Variants in PCDHA3 observed in about 807,000 individuals in gnomAD.
PCDHA3 encodes protocadherin alpha 3.
A neutral mutation model predicts 62.2 loss-of-function variants in PCDHA3; 41 were observed. That is an observed-to-expected ratio of 0.66 (90% CI 0.51 to 0.86). The LOEUF is 0.86. Ranked by LOEUF, PCDHA3 falls within the 40% of genes least tolerant of loss-of-function variation. PCDHA3 has a pLI of 0.00. For missense variants in PCDHA3, 1,304 were observed against 1,241.2 expected, an observed-to-expected ratio of 1.05 and a Z score of -0.76; for synonymous variants, 640 against 555.4, an observed-to-expected ratio of 1.15 and a Z score of -2.14.
chr5:140,806,768 A>G (rs557721480), intron 1 of PCDHA3, among the ~76,000 whole-genome samples: 6 of 152,310 alleles, frequency 3.9e-5, no homozygotes, highest in Admixed American at 3.9e-4. Flanking sequence ...TCTCTGTAAT[A>G]CTTAAAACCT....
chr5:140,850,186 C>T lies in PCDHA3; in HGVS notation c.2394+46595C>T, dbSNP rs2150472009. On this transcript the variant is annotated intron_variant, in intron 1 of 3. Transcript: ENST00000522353. ...CTGGACGAGAACGACAATGCGCCGG[C>T]GCTGCTGACACCTCGGATGAGGGGC... 4.4e-6 allele frequency: 7 copies of T among 1,593,614 alleles called. No homozygotes were observed. In the African/African-American group the frequency reaches 5.4e-5, roughly 12 times the overall value.
rs139246881 is a variant in PCDHA3, at chr5:140,834,444, C to A, written c.2394+30853C>A. 16 of 1,613,902 alleles carry A rather than the reference C, an allele frequency of 9.9e-6. No individual in the cohort carries two copies. The African/African-American group carries it at 2.1e-4, about 22-fold the overall frequency. On this transcript the variant is annotated intron_variant, in intron 1 of 3. Coordinates refer to ENST00000522353, the MANE Select transcript of PCDHA3 (RefSeq NM_018906.3). ...ACATCTACTGCTGTTTATTATAATT[C>A]TAGCAGCTTGGGAGGCAGGGAGAGG... is the stretch of plus-strand genomic sequence containing the variant.
In PCDHA3 at chr5:140,822,628, C is replaced by T. The variant is rs1170983907; in HGVS notation, c.2394+19037C>T. On this transcript the variant is annotated intron_variant, in intron 1 of 3. Transcript: ENST00000522353. The stretch of plus-strand genomic sequence containing the variant: ...AGTGTATTTCTTTAGTAATCTTGTT[C>T]TTGACGATGTAAAGTCCAAATTTAT... 3.7e-6 allele frequency: 6 copies of T among 1,610,966 alleles called. No individual in the cohort carries two copies. Among genetic ancestry groups the T allele is most frequent in the African/African-American group, 1.3e-5 (1 of 74,788 alleles).
intron 1 of PCDHA3, chr5:140,843,625 C>T: frequency 6.3e-7 from 1 of 1,596,072 alleles, no homozygotes; most frequent in Non-Finnish European, 8.6e-7. Flanking sequence ...CGAAGACGGA[C>T]CTCATGGCCT....
At chr5:140,934,013 A>G (rs2089566693) in intron 1 of PCDHA3, among the ~76,000 whole-genome samples, 1 of 151,836 alleles carries the variant, frequency 6.6e-6, no homozygotes. Context: ...TTTCTTGACT[A>G]GACTTGGAAG....
At position 140,824,079 on chromosome 5, in the gene PCDHA3, C is replaced by T. The variant is rs149846106; in HGVS notation, c.2394+20488C>T. ...GGGAAGCTCCACCCAAAACAGACCT[C>T]ATGGCCTTCAGTCCAAGCCTTCCTC... is the stretch of plus-strand genomic sequence containing the variant. On this transcript the variant is annotated intron_variant, in intron 1 of 3. Transcript: ENST00000522353. 4.4e-5 allele frequency: 71 copies of T among 1,614,220 alleles called. No individual in the cohort carries two copies. The South Asian group carries it at 7.6e-4, about 17-fold the overall frequency.
intron 1 of PCDHA3, among the ~76,000 whole-genome samples, chr5:140,874,013 A>C (rs2054638776): frequency 6.6e-6 from 1 of 152,248 alleles, no homozygotes; most frequent in Non-Finnish European, 1.5e-5. Flanking sequence ...ACCACTTTTG[A>C]AAATGAAAAA....
intron 1 of PCDHA3, chr5:140,857,341 G>C (rs782659858): frequency 1.3e-6 from 2 of 1,598,438 alleles, no homozygotes; most frequent in Non-Finnish European, 1.7e-6. Context: ...ACGGGGGCTC[G>C]CCTCCGCTGT....
intron 3 of PCDHA3, among the ~76,000 whole-genome samples, chr5:140,997,018 A>G (rs1403831704): frequency 6.6e-6 from 1 of 151,882 alleles, no homozygotes; most frequent in African/African-American, 2.4e-5. Flanking sequence ...ATCCTCCAAT[A>G]TTTTTTTGAA....
intron 1 of PCDHA3, chr5:140,809,227 A>G (rs376976270): frequency 4.6e-5 from 74 of 1,613,866 alleles, no homozygotes; most frequent in Non-Finnish European, 5.6e-5. Flanking sequence ...AGGCCTCCTC[A>G]CGGGCGTTGG....
chr5:140,810,294 A>G (rs1468211425), intron 1 of PCDHA3: 1 of 152,220 alleles, frequency 6.6e-6, no homozygotes, highest in Non-Finnish European at 1.5e-5. Flanking sequence ...CATCATAAAT[A>G]TATTGTACAT....
chr5:140,816,485 G>A (rs1765913989), intron 1 of PCDHA3: 2 of 149,216 alleles, frequency 1.3e-5, no homozygotes, highest in African/African-American at 5.0e-5. Context: ...TATTTCTTTA[G>A]GTTTGGTTTC....
At chr5:140,848,972 T>G in intron 1 of PCDHA3, 3 of 1,601,076 alleles carry the variant, frequency 1.9e-6, no homozygotes, top group Non-Finnish European at 2.6e-6. Context: ...GCGCGTCCGA[T>G]GCAGATATCG....
intron 1 of PCDHA3, among the ~76,000 whole-genome samples, chr5:140,975,280 T>G (rs914764307): frequency 5.3e-5 from 8 of 152,252 alleles, no homozygotes; most frequent in Admixed American, 3.9e-4. Context: ...CTCTGACCTC[T>G]AGACCCAGAT....
rs1307653192 is a variant in PCDHA3, at chr5:141,009,883, G to C, written c.2799G>C (p.Lys933Asn). 1.2e-6 allele frequency: 2 copies of C among 1,613,212 alleles called. No individual in the cohort carries two copies. Among genetic ancestry groups the C allele is most frequent in the Non-Finnish European group, 1.7e-6 (2 of 1,179,888 alleles). Reference sequence around the variant, plus strand: ...AGAAGAAAAAGAAGAAGGGTAACAAGACCCAGGAGAAAAAAGAGAAAGGGA... The same window carrying C: ...AGAAGAAAAAGAAGAAGGGTAACAACACCCAGGAGAAAAAAGAGAAAGGGA... ...KKKKKKKKGNKTQEKKEKGNS... is the reference protein window; with the variant it reads ...KKKKKKKKGNNTQEKKEKGNS... The change falls in exon 4 of 4, where the codon AAG becomes AAC. Residue 933 changes from lysine (K) to asparagine (N), a missense_variant. Coordinates refer to ENST00000522353, the MANE Select transcript of PCDHA3 (RefSeq NM_018906.3).
intron 3 of PCDHA3, among the ~76,000 whole-genome samples, chr5:141,003,559 T>C (rs2098129977): frequency 6.6e-6 from 1 of 152,106 alleles, no homozygotes; most frequent in Admixed American, 6.5e-5. Context: ...GTGATCCACC[T>C]GCCTCAGACT....
rs782532560 is a variant in PCDHA3, at chr5:140,803,037, G to A, written c.1840G>A (p.Gly614Arg). The part of the protein sequence containing the change: ...NAWLSYELQP[G>R]TGGARIPFRV... ...GTGGCTTTCGTATGAGCTGCAGCCT[G>A]GGACCGGCGGTGCGCGCATCCCGTT... Residue 614 changes from glycine to arginine, a missense_variant, in exon 1 of 4, where the codon GGG becomes AGG. Gly to Arg is a moderately radical substitution (Grantham distance 125). Transcript: ENST00000522353. 2 of 1,614,034 alleles carry A rather than the reference G, an allele frequency of 1.2e-6. No individual in the cohort carries two copies. Among genetic ancestry groups the A allele is most frequent in the East Asian group, 4.5e-5 (2 of 44,874 alleles).
At chr5:140,970,909 A>G (rs1356718314) in intron 1 of PCDHA3, among the ~76,000 whole-genome samples, 1 of 152,180 alleles carries the variant, frequency 6.6e-6, no homozygotes, top group African/African-American at 2.4e-5. Context: ...AGATTTATTC[A>G]TTTATCAGAA....
At position 140,835,853 on chromosome 5, in the gene PCDHA3, G is replaced by A. The variant is rs2150246654; in HGVS notation, c.2394+32262G>A. 3.1e-6 allele frequency: 5 copies of A among 1,612,274 alleles called. No individual in the cohort carries two copies. The Admixed American group carries it at 8.3e-5, about 27-fold the overall frequency. On this transcript the variant is annotated intron_variant, in intron 1 of 3. Transcript: ENST00000522353. ...CGGACGCGCAGAAGAACGCGCTGGT[G>A]TCCTACTCGCTGGTGGAGCTGCGGG...
Sources: gnomAD v4.1 joint callset for allele counts (sites outside exome capture counted in the v4.1 genomes callset) on GRCh38, gnomAD v4.1.1 for gene constraint, MANE v1.5 for transcripts, NCBI Gene and HGNC (gene_info 2026-07-23, HGNC 2026-07-21) for gene names.